The following PLP1 variants were observed in gnomAD, a reference collection of about 807,000 sequenced individuals.
PLP1 encodes proteolipid protein 1.
In PLP1, 2 loss-of-function variants were observed where a neutral mutation model predicts 18.5. The ratio of observed to expected loss-of-function variants is 0.11; its 90% CI spans 0.04 to 0.34. The LOEUF is 0.34. Ranked by LOEUF, PLP1 falls within the 10% of genes least tolerant of loss-of-function variation. PLP1 has a pLI of 1.00. For missense variants in PLP1, 105 were observed against 207.3 expected (o/e 0.51, Z 3.03); for synonymous variants, 86 against 83.2 (o/e 1.03, Z -0.19).
At chrX:103,788,868 T>C (rs973607823) in intron 5 of PLP1, 15 of 285,874 alleles carry the variant, frequency 5.2e-5, no homozygotes, top group Non-Finnish European at 1.8e-5. Flanking sequence ...CATTCATAGG[T>C]TTTATGAAAA....
Position 103,791,854 on chromosome X carries a change from T to C in PLP1, c.*1256T>C, listed in dbSNP as rs2074547607. The C allele has an allele frequency of 8.9e-6, 1 of 112,894 alleles. No homozygotes were observed. Among genetic ancestry groups the C allele is most frequent in the African/African-American group, 3.2e-5 (1 of 31,034 alleles). 9.3% of individuals were successfully genotyped at this position (112,894 alleles called of 1,213,427 possible). On this transcript the variant is annotated 3_prime_UTR_variant, in exon 7 of 7. Transcript: ENST00000621218. ...GTATTCTGCCTTTGCAGAAACAGATTTGGTGAATTTGAATCTCAATTTGAG... is the reference window on the plus strand; with the variant it reads ...GTATTCTGCCTTTGCAGAAACAGATCTGGTGAATTTGAATCTCAATTTGAG...
intron 5 of PLP1, chrX:103,788,795 C>T: frequency 2.8e-6 from 1 of 356,916 alleles, no homozygotes; most frequent in Admixed American, 4.7e-5. Context: ...CAAAATCCCC[C>T]ACATGAAAAT....
intron 1 of PLP1, among the ~76,000 whole-genome samples, chrX:103,778,101 T>C (rs1466828059): frequency 8.9e-6 from 1 of 111,815 alleles, no homozygotes; most frequent in Admixed American, 9.5e-5. Flanking sequence ...AAAAATCAGA[T>C]TCAAATCCCA....
At position 103,785,566 on chromosome X, in the gene PLP1, CCTT is replaced by C. The variant is rs2074488008; in HGVS notation, c.5-8_5-6del. Reference sequence around the variant, plus strand: ...CTACTGGATGTGCCTGACTGTTTCCCCTTCTTCTTCCCCAGGCTTGTTAGAGTG... The same window carrying C: ...CTACTGGATGTGCCTGACTGTTTCCCCTTCTTCCCCAGGCTTGTTAGAGTG... On this transcript the variant is annotated splice_polypyrimidine_tract_variant and intron_variant, in intron 1 of 6. Coordinates refer to ENST00000621218, the MANE Select transcript of PLP1 (RefSeq NM_000533.5). The C allele has an allele frequency of 2.5e-6, 3 of 1,202,236 alleles. No individual in the cohort carries two copies. Among genetic ancestry groups the C allele is most frequent in the Non-Finnish European group, 2.3e-6 (2 of 887,619 alleles).
intron 3 of PLP1, among the ~76,000 whole-genome samples, chrX:103,787,308 G>A (rs2147765302): frequency 9.0e-6 from 1 of 111,216 alleles, no homozygotes; most frequent in East Asian, 2.8e-4. Flanking sequence ...ATCCTTTGGC[G>A]GCTGAACATG....
At chrX:103,790,474 G>A in intron 6 of PLP1, 53 bp from the exon 7 acceptor site, 1 of 849,566 alleles carries the variant, frequency 1.2e-6, no homozygotes, top group Non-Finnish European at 1.8e-6. Flanking sequence ...GATTTGAGGA[G>A]GGAGTGCTTT....
At chrX:103,785,101 G>A (rs1453381614) in intron 1 of PLP1, among the ~76,000 whole-genome samples, 5 of 109,753 alleles carry the variant, frequency 4.6e-5, no homozygotes, top group African/African-American at 6.6e-5. Flanking sequence ...TTGAGACAGA[G>A]TCTCGCTCTT....
At chrX:103,783,485 T>C (rs750894101) in intron 1 of PLP1, among the ~76,000 whole-genome samples, 98 of 112,401 alleles carry the variant, frequency 8.7e-4, no homozygotes, top group Non-Finnish European at 1.5e-3. Context: ...GTGACACTCT[T>C]TGAAGGCCAA....
At chrX:103,785,066 T>G (rs748024425) in intron 1 of PLP1, among the ~76,000 whole-genome samples, 9 of 111,719 alleles carry the variant, frequency 8.1e-5, no homozygotes, top group African/African-American at 2.9e-4. Flanking sequence ...TAAGGATTTA[T>G]TTTCTTTCTT....
chrX:103,785,490 C>T (rs933777905), intron 1 of PLP1, 92 bp from the exon 2 acceptor site: 51 of 814,135 alleles, frequency 6.3e-5, no homozygotes, highest in East Asian at 9.4e-5. Context: ...CCACTATCTC[C>T]GAGCCTGTGA....
intron 6 of PLP1, among the ~76,000 whole-genome samples, chrX:103,790,050 A>G (rs2074531528): frequency 8.9e-6 from 1 of 112,266 alleles, no homozygotes; most frequent in Non-Finnish European, 1.9e-5. Context: ...ATGAGCTCAC[A>G]GAACTCCTGG....
In PLP1 at chrX:103,788,993, G is replaced by A. The variant is rs923859644; in HGVS notation, c.697-340G>A. ...ATACAAATGAGGCAGGGGAATAAAAGTAAATCCGGGGGAGACAGGCAGTAA... is the reference window on the plus strand; with the variant it reads ...ATACAAATGAGGCAGGGGAATAAAAATAAATCCGGGGGAGACAGGCAGTAA... On this transcript the variant is annotated intron_variant, in intron 5 of 6. Transcript: ENST00000621218. 9.9e-5 allele frequency: 33 copies of A among 332,312 alleles called. No individual in the cohort carries two copies. The Admixed American group carries it at 1.5e-3, about 15-fold the overall frequency. The allele number at this position is 332,312 out of a possible 1,213,427, so 27.4% of individuals were successfully genotyped here.
chrX:103,789,297 G>A (rs1326925334), intron 5 of PLP1, 36 bp from the exon 6 acceptor site: 6 of 1,056,042 alleles, frequency 5.7e-6, no homozygotes, highest in Non-Finnish European at 8.0e-6. Flanking sequence ...TACTGCTGTT[G>A]CAAGAAACAG....
chrX:103,786,871 A>G lies in PLP1; in HGVS notation c.453+145A>G. 4.8e-6 allele frequency: 3 copies of G among 625,272 alleles called. No homozygotes were observed. The South Asian group carries it at 7.7e-5, about 16-fold the overall frequency. 51.5% of individuals were successfully genotyped at this position (625,272 alleles called of 1,213,427 possible). ...AAGCGATGGCTGCAGCCGAACGAGAAGGTCAGGAAGAACGTGGTGCCCAGC... is the reference window on the plus strand; with the variant it reads ...AAGCGATGGCTGCAGCCGAACGAGAGGGTCAGGAAGAACGTGGTGCCCAGC... On this transcript the variant is annotated intron_variant, in intron 3 of 6. Transcript: ENST00000621218.
Position 103,783,236 on chromosome X carries a change from G to A in PLP1, c.5-2346G>A, listed in dbSNP as rs888533579. On this transcript the variant is annotated intron_variant, in intron 1 of 6. Transcript: ENST00000621218. ...CATTTGTACACATGCATGCATGTGC[G>A]TGTGCACACACACAGACACACCCAT... Among the ~76,000 whole-genome samples the A allele has an allele frequency of 8.9e-5, 10 of 112,058 alleles. No individual in the cohort carries two copies. In the East Asian group the frequency reaches 1.1e-3, roughly 13 times the overall value.
At position 103,786,414 on chromosome X, in the gene PLP1, G is replaced by A. The variant is rs768984598; in HGVS notation, c.192-51G>A. On this transcript the variant is annotated intron_variant, in intron 2 of 6. Coordinates refer to ENST00000621218, the MANE Select transcript of PLP1 (RefSeq NM_000533.5). ...TCACTTATGTCGGGAAAGAAGCCAGGTCTTCAATTAATAAGATTCCCTGGT... is the reference window on the plus strand; with the variant it reads ...TCACTTATGTCGGGAAAGAAGCCAGATCTTCAATTAATAAGATTCCCTGGT... The A allele has an allele frequency of 4.3e-6, 5 of 1,170,912 alleles. No individual in the cohort carries two copies. The Admixed American group carries it at 8.7e-5, about 20-fold the overall frequency.
intron 1 of PLP1, among the ~76,000 whole-genome samples, chrX:103,783,490 G>GTGTCAA (rs1202283319): frequency 8.9e-6 from 1 of 112,320 alleles, no homozygotes; most frequent in Non-Finnish European, 1.9e-5. Context: ...ACTCTTTGAA[G>GTGTCAA]GCCAAGAAAG....
chrX:103,787,117 G>A, intron 3 of PLP1: 1 of 204,420 alleles, frequency 4.9e-6, no homozygotes, highest in South Asian at 1.1e-4. Context: ...CTGAGAGGGA[G>A]GATGGATAAT....
intron 3 of PLP1, chrX:103,787,063 G>A (rs1052214842): frequency 5.4e-5 from 15 of 275,821 alleles, no homozygotes; most frequent in Middle Eastern, 2.3e-3. Flanking sequence ...AACTGGACAA[G>A]AGTCTAAAAT....
Sources: allele counts gnomAD v4.1 joint callset (sites outside exome capture counted in the v4.1 genomes callset), GRCh38; gene constraint gnomAD v4.1.1; transcripts MANE v1.5; gene names NCBI Gene and HGNC (gene_info 2026-07-23, HGNC 2026-07-21).